Variants in SMYD3 observed in about 807,000 individuals in gnomAD.
The protein encoded by SMYD3 is histone-lysine N-methyltransferase SMYD3.
SMYD3 carries 36 observed loss-of-function variants against 57.7 expected under a neutral mutation model. That is an observed-to-expected ratio of 0.62 (90% CI 0.48 to 0.82). The LOEUF (loss-of-function observed/expected upper bound fraction) is 0.82. Ranked by LOEUF, SMYD3 falls within the 40% of genes least tolerant of loss-of-function variation. The probability of loss-of-function intolerance (pLI) is 0.00; values close to 1 mark genes in which losing one functional copy is unlikely to be tolerated. For missense variants in SMYD3, 515 were observed against 538.8 expected (o/e 0.96, Z 0.44); for synonymous variants, 211 against 195.0 (o/e 1.08, Z -0.68).
intron 1 of SMYD3, among the ~76,000 whole-genome samples, chr1:246,419,133 C>A (rs763506987): frequency 6.6e-6 from 1 of 152,184 alleles, no homozygotes; most frequent in Non-Finnish European, 1.5e-5. Flanking sequence ...ATCCACCCCC[C>A]ACTAGCAAAA....
chr1:246,271,780 C>A (rs1185207319), intron 5 of SMYD3, among the ~76,000 whole-genome samples: 1 of 152,114 alleles, frequency 6.6e-6, no homozygotes, highest in Non-Finnish European at 1.5e-5. Flanking sequence ...TATTTGGAGT[C>A]CCTCAAGATT....
chr1:245,854,833 G>T (rs1328291178), intron 10 of SMYD3, among the ~76,000 whole-genome samples: 1 of 152,174 alleles, frequency 6.6e-6, no homozygotes, highest in Non-Finnish European at 1.5e-5. Flanking sequence ...TGGGAAAGCA[G>T]AATAAAAGGA....
intron 10 of SMYD3, 102 bp from the exon 11 acceptor site, chr1:245,764,251 G>A (rs989352731): frequency 5.4e-6 from 4 of 735,644 alleles, no homozygotes; most frequent in Non-Finnish European, 9.5e-6. Context: ...AGCTGTGAAT[G>A]TTAATGAGCT....
chr1:246,234,528 A>C (rs1256264114), intron 5 of SMYD3, among the ~76,000 whole-genome samples: 2 of 152,102 alleles, frequency 1.3e-5, no homozygotes, highest in Non-Finnish European at 2.9e-5. Context: ...TGATGAATAT[A>C]CACCGTATAG....
chr1:245,848,741 G>C (rs2050796920), intron 10 of SMYD3, among the ~76,000 whole-genome samples: 1 of 152,130 alleles, frequency 6.6e-6, no homozygotes, highest in South Asian at 2.1e-4. Flanking sequence ...GTCCTGGCCT[G>C]GGTTGGTGGC....
chr1:246,135,823 G>A (rs2061657846), intron 5 of SMYD3, among the ~76,000 whole-genome samples: 1 of 152,140 alleles, frequency 6.6e-6, no homozygotes, highest in African/African-American at 2.4e-5. Flanking sequence ...ACTGCTAAGA[G>A]TCATCTAGTT....
At chr1:246,229,942 G>A (rs2063386697) in intron 5 of SMYD3, among the ~76,000 whole-genome samples, 2 of 152,124 alleles carry the variant, frequency 1.3e-5, no homozygotes, top group South Asian at 4.1e-4. Flanking sequence ...ACCTAAAACA[G>A]ACTTATATCT....
intron 5 of SMYD3, among the ~76,000 whole-genome samples, chr1:246,022,221 T>G (rs2059484320): frequency 6.6e-6 from 1 of 152,180 alleles, no homozygotes; most frequent in African/African-American, 2.4e-5. Flanking sequence ...TGGGCAAAAA[T>G]TGTTTTCAAA....
chr1:246,116,374 A>T (rs144589258), intron 5 of SMYD3, among the ~76,000 whole-genome samples: 4 of 152,222 alleles, frequency 2.6e-5, no homozygotes, highest in African/African-American at 9.6e-5. Flanking sequence ...ATGGGGCTGA[A>T]ACAAGTCAAC....
At chr1:246,266,254 T>C (rs867400035) in intron 5 of SMYD3, among the ~76,000 whole-genome samples, 3 of 152,186 alleles carry the variant, frequency 2.0e-5, no homozygotes, top group African/African-American at 7.2e-5. Context: ...AAGAACTCTA[T>C]TGGGAATGTC....
chr1:245,846,484 AG>A (rs1175738516), intron 10 of SMYD3, among the ~76,000 whole-genome samples: 1 of 152,264 alleles, frequency 6.6e-6, no homozygotes, highest in East Asian at 1.9e-4. Flanking sequence ...ATCTGGGTTC[AG>A]GCTGACTCAA....
At chr1:245,814,370 T>C (rs1229759124) in intron 10 of SMYD3, 18 of 984,834 alleles carry the variant, frequency 1.8e-5, no homozygotes, top group Non-Finnish European at 2.2e-5. Flanking sequence ...TCAGGACAGA[T>C]AGAGCTCAGT....
chr1:246,421,472 T>C (rs746863751), intron 1 of SMYD3, among the ~76,000 whole-genome samples: 19 of 151,674 alleles, frequency 1.3e-4, no homozygotes, highest in Non-Finnish European at 4.4e-5. Context: ...ATGAAAGAAA[T>C]AAGCAAAAAA....
intron 5 of SMYD3, among the ~76,000 whole-genome samples, chr1:245,980,629 A>G (rs2058573153): frequency 6.6e-6 from 1 of 152,262 alleles, no homozygotes; most frequent in African/African-American, 2.4e-5. Context: ...TGGGAAACCT[A>G]TTAAACCAAG....
At chr1:245,765,045 TACACAC>T (rs3085339) in intron 10 of SMYD3, among the ~76,000 whole-genome samples, 13 of 134,742 alleles carry the variant, frequency 9.6e-5, no homozygotes, top group African/African-American at 2.8e-4. Flanking sequence ...TGGAAATGCC[TACACAC>T]ACACACACAC....
chr1:246,062,081 G>A (rs753110920), intron 5 of SMYD3, among the ~76,000 whole-genome samples: 3 of 152,036 alleles, frequency 2.0e-5, no homozygotes, highest in Non-Finnish European at 4.4e-5. Context: ...AGTTTTTCAG[G>A]GCAGCACAAA....
At chr1:245,891,133 G>A (rs1442621658) in intron 8 of SMYD3, among the ~76,000 whole-genome samples, 1 of 152,162 alleles carries the variant, frequency 6.6e-6, no homozygotes, top group Non-Finnish European at 1.5e-5. Context: ...TAATCAGATA[G>A]AATGAATAAC....
At chr1:245,982,381 C>A (rs1193263139) in intron 5 of SMYD3, among the ~76,000 whole-genome samples, 8 of 152,202 alleles carry the variant, frequency 5.3e-5, no homozygotes, top group Non-Finnish European at 7.4e-5. Flanking sequence ...CCTACCTGGG[C>A]TTCCCAAAGT....
intron 5 of SMYD3, among the ~76,000 whole-genome samples, chr1:246,245,714 G>T (rs1004773325): frequency 1.3e-5 from 2 of 152,104 alleles, no homozygotes; most frequent in Non-Finnish European, 2.9e-5. Flanking sequence ...TGACATTTCT[G>T]CATCACTTCC....
Sources: allele counts gnomAD v4.1 joint callset (sites outside exome capture counted in the v4.1 genomes callset), GRCh38; gene constraint gnomAD v4.1.1; transcripts MANE v1.5; gene names NCBI Gene and HGNC (gene_info 2026-07-23, HGNC 2026-07-21).